Variants in SLC36A1 observed in about 807,000 individuals in gnomAD.
SLC36A1 encodes solute carrier family 36 member 1, also known as proton-coupled amino acid transporter 1.
SLC36A1 carries 30 observed loss-of-function variants against 47.5 expected under a neutral mutation model. That is an observed-to-expected ratio of 0.63 (90% CI 0.47 to 0.86). The LOEUF is 0.86. Ranked by LOEUF, SLC36A1 falls within the 40% of genes least tolerant of loss-of-function variation. The probability of loss-of-function intolerance (pLI) is 0.00; values close to 1 mark genes in which losing one functional copy is unlikely to be tolerated. For missense variants in SLC36A1, 517 were observed against 606.0 expected (o/e 0.85, Z 1.54); for synonymous variants, 255 against 249.7 (o/e 1.02, Z -0.20).
the SLC36A1 span, among the ~76,000 whole-genome samples, chr5:151,393,997 T>G: frequency 1.8e-4 from 28 of 152,208 alleles, no homozygotes; most frequent in African/African-American, 6.5e-4. Flanking sequence ...CTACAGAGTA[T>G]TTTCCAACTT....
the SLC36A1 span, among the ~76,000 whole-genome samples, chr5:151,501,180 C>G: frequency 1.3e-5 from 2 of 152,164 alleles, no homozygotes; most frequent in Non-Finnish European, 2.9e-5. Context: ...TCATTGTTTC[C>G]CAAAGACGAA....
At chr5:151,542,976 T>C in the SLC36A1 span, 6 of 1,614,238 alleles carry the variant, frequency 3.7e-6, no homozygotes, top group Non-Finnish European at 5.1e-6. Flanking sequence ...GATCTTGAGC[T>C]GCCACTGCTT....
the SLC36A1 span, among the ~76,000 whole-genome samples, chr5:151,355,060 T>G: frequency 1.2e-4 from 19 of 152,114 alleles, no homozygotes; most frequent in Non-Finnish European, 8.8e-5. Context: ...AACAATGAAC[T>G]GTAACCAGCA....
At chr5:151,537,333 GAAAAGA>G in the SLC36A1 span, among the ~76,000 whole-genome samples, 701 of 71,958 alleles carry the variant, frequency 9.7e-3, 6 homozygotes, top group African/African-American at 0.023. Flanking sequence ...AAAAAAGAAA[GAAAAGA>G]AAAGAAAAGA....
At chr5:151,506,362 G>A in the SLC36A1 span, among the ~76,000 whole-genome samples, 43 of 152,206 alleles carry the variant, frequency 2.8e-4, no homozygotes, top group Non-Finnish European at 1.5e-5. Flanking sequence ...GGAAGGATTT[G>A]GATGTCTCCA....
chr5:151,551,201 C>T, the SLC36A1 span, among the ~76,000 whole-genome samples: 4 of 152,184 alleles, frequency 2.6e-5, no homozygotes, highest in Non-Finnish European at 5.9e-5. Context: ...CCATCATCCC[C>T]CTATACCCAT....
At position 151,491,715 on chromosome 5, in the gene SLC36A1, C is replaced by T. The variant is rs1760134052; in HGVS notation, c.*3461C>T. The T allele has an allele frequency of 6.6e-6, 1 of 152,634 alleles. No individual in the cohort carries two copies. Among genetic ancestry groups the T allele is most frequent in the Non-Finnish European group, 1.5e-5 (1 of 68,046 alleles). 9.5% of individuals were successfully genotyped at this position (152,634 alleles called of 1,614,324 possible). ...ATGTTAAGGCAAGCCTCAGCATCTGCCCCTGCTGGGTGCACAATGCTGCTT... is the reference window on the plus strand; with the variant it reads ...ATGTTAAGGCAAGCCTCAGCATCTGTCCCTGCTGGGTGCACAATGCTGCTT... On this transcript the variant is annotated 3_prime_UTR_variant, in exon 11 of 11. Coordinates refer to ENST00000243389, the MANE Select transcript of SLC36A1 (RefSeq NM_078483.4).
upstream of SLC36A1, among the ~76,000 whole-genome samples, chr5:151,433,258 ATATATAT>A (rs1245826005): frequency 2.6e-4 from 4 of 15,400 alleles, no homozygotes; most frequent in Admixed American, 8.8e-4. Flanking sequence ...ATATATATAT[ATATATAT>A]ATTTTTTTTT....
intron 2 of SLC36A1, 31 bp from the exon 3 acceptor site, chr5:151,463,522 T>G (rs745406340): frequency 6.6e-7 from 1 of 1,513,462 alleles, no homozygotes; most frequent in Middle Eastern, 1.7e-4. Context: ...ACTGTCATGG[T>G]TATCATTTCC....
At chr5:151,366,929 G>T in the SLC36A1 span, among the ~76,000 whole-genome samples, 2 of 152,136 alleles carry the variant, frequency 1.3e-5, no homozygotes, top group Non-Finnish European at 2.9e-5. Flanking sequence ...TTTATTAAGG[G>T]TTTCAAAAGG....
the SLC36A1 span, among the ~76,000 whole-genome samples, chr5:151,550,001 G>A: frequency 6.6e-6 from 1 of 152,128 alleles, no homozygotes; most frequent in Non-Finnish European, 1.5e-5. Context: ...TCCGATTCTG[G>A]TTCCATCATA....
chr5:151,504,748 G>A, the SLC36A1 span: 1 of 152,662 alleles, frequency 6.6e-6, no homozygotes, highest in Admixed American at 6.5e-5. Context: ...GGAAACTTGG[G>A]ATGAAGAACC....
At chr5:151,464,803 T>G (rs1581132181) in intron 4 of SLC36A1, among the ~76,000 whole-genome samples, 1 of 152,224 alleles carries the variant, frequency 6.6e-6, no homozygotes. Context: ...AATTTACTTA[T>G]GCCCAGTGGG....
At chr5:151,530,548 C>T in the SLC36A1 span, among the ~76,000 whole-genome samples, 10 of 152,198 alleles carry the variant, frequency 6.6e-5, no homozygotes, top group Admixed American at 2.0e-4. Context: ...GATTAAAGGA[C>T]ACTTAAAATC....
upstream of SLC36A1, among the ~76,000 whole-genome samples, chr5:151,435,464 A>C (rs1410476270): frequency 6.6e-6 from 1 of 152,210 alleles, no homozygotes; most frequent in East Asian, 1.9e-4. Flanking sequence ...AGGTAAATGT[A>C]TGGGTAAATC....
the SLC36A1 span, among the ~76,000 whole-genome samples, chr5:151,369,423 G>A: frequency 2.0e-5 from 3 of 152,202 alleles, no homozygotes; most frequent in Non-Finnish European, 4.4e-5. Context: ...AAAGCAATTC[G>A]TGCATTAGAT....
At chr5:151,381,776 T>C in the SLC36A1 span, among the ~76,000 whole-genome samples, 1 of 152,160 alleles carries the variant, frequency 6.6e-6, no homozygotes. Flanking sequence ...CAATCAGCAC[T>C]CCTGGCTCAC....
chr5:151,492,662 A>C (rs139641369), downstream of SLC36A1, among the ~76,000 whole-genome samples: 309 of 152,338 alleles, frequency 2.0e-3, 2 homozygotes, highest in African/African-American at 7.3e-3. Flanking sequence ...ATAGCAGATG[A>C]GCCCACATGA....
the SLC36A1 span, among the ~76,000 whole-genome samples, chr5:151,407,494 T>C: frequency 6.6e-6 from 1 of 150,896 alleles, no homozygotes; most frequent in African/African-American, 2.5e-5. Context: ...GAGCACTGAT[T>C]GGTGCATATT....
Sources: gnomAD v4.1 joint callset for allele counts (sites outside exome capture counted in the v4.1 genomes callset) on GRCh38, gnomAD v4.1.1 for gene constraint, MANE v1.5 for transcripts, NCBI Gene and HGNC (gene_info 2026-07-23, HGNC 2026-07-21) for gene names.